The following BCL2L13 variants were observed in gnomAD, a reference collection of about 807,000 sequenced individuals.
BCL2L13 encodes the protein bcl-2-like protein 13.
In BCL2L13, 13 loss-of-function variants were observed where a neutral mutation model predicts 25.8. The ratio of observed to expected loss-of-function variants is 0.50; its 90% CI spans 0.33 to 0.80. BCL2L13 has a LOEUF of 0.80. Ranked by LOEUF, BCL2L13 falls within the 30% of genes least tolerant of loss-of-function variation. The probability of loss-of-function intolerance (pLI) is 0.02; values close to 1 mark genes in which losing one functional copy is unlikely to be tolerated. For synonymous variants in BCL2L13, 244 were observed against 230.3 expected (o/e 1.06, Z -0.54); for missense variants, 504 against 574.9 (o/e 0.88, Z 1.26).
intron 3 of BCL2L13, among the ~76,000 whole-genome samples, chr22:17,685,760 CTTTTTTTTTTTTT>C (rs1166792513): frequency 6.3e-4 from 38 of 60,566 alleles, no homozygotes; most frequent in Admixed American, 2.3e-3. Flanking sequence ...TTTTCTTTTT[CTTTTTTTTTTTTT>C]TTTTTTTTTT....
chr22:17,714,593 G>C (rs2060859629), intron 6 of BCL2L13, among the ~76,000 whole-genome samples: 1 of 152,152 alleles, frequency 6.6e-6, no homozygotes, highest in South Asian at 2.1e-4. Context: ...TAGGTAGCTT[G>C]GGGGGACCAT....
Position 17,630,286 on chromosome 22 carries a change from TC to T in BCL2L13, c.-650+1282del, listed in dbSNP as rs757856716. On this transcript the variant is annotated intron_variant, in intron 1 of 6. Transcript: ENST00000399782. ...TCCATCAATGTACTTTATAACCCTT[TC>T]TTTTTTTTTTGAGACAGAGTCTCAC... 1.2e-3 allele frequency among the ~76,000 whole-genome samples: 184 copies of T among 151,668 alleles called. 2 individuals carry two copies. In the East Asian group the frequency reaches 0.034, roughly 28 times the overall value.
intron 2 of BCL2L13, among the ~76,000 whole-genome samples, chr22:17,672,321 C>T (rs1294122501): frequency 1.3e-5 from 2 of 152,110 alleles, no homozygotes; most frequent in South Asian, 4.1e-4. Flanking sequence ...CCATAGATTT[C>T]GAAAGTATTT....
intron 2 of BCL2L13, among the ~76,000 whole-genome samples, chr22:17,673,514 C>T (rs369109132): frequency 6.0e-5 from 9 of 149,756 alleles, no homozygotes; most frequent in Admixed American, 3.4e-4. Flanking sequence ...ACTACAGTCG[C>T]CCACTACCAT....
In BCL2L13 at chr22:17,727,279, A is replaced by G. The variant is rs746569142; in HGVS notation, c.1203A>G (p.Ala401=). The change falls in exon 7 of 7, where the codon GCA becomes GCG. Residue 401 remains alanine, a synonymous_variant. Transcript: ENST00000317582. The stretch of plus-strand genomic sequence containing the variant: ...CTGAAGTGGAGGAGGTGGTCCCCGC[A>G]CTGGAACCCACAGAAACGCTGCTGA... ...EPTEVEEVVP[A]LEPTETLLSE... is the part of the protein sequence containing the mutation. 1.7e-5 allele frequency: 28 copies of G among 1,614,142 alleles called. No homozygotes were observed. The highest frequency in any genetic ancestry group is 2.3e-5 in the Non-Finnish European group (27 of 1,180,054).
chr22:17,643,774 C>T (rs1267499606), intron 1 of BCL2L13, among the ~76,000 whole-genome samples: 3 of 151,064 alleles, frequency 2.0e-5, no homozygotes, highest in Non-Finnish European at 4.4e-5. Context: ...CCACCATGCC[C>T]GGCTAATTTT....
rs528325795 is a variant in BCL2L13, at chr22:17,669,010, T to G, written c.121+13178T>G. 2.6e-5 allele frequency among the ~76,000 whole-genome samples: 4 copies of G among 151,350 alleles called. No individual in the cohort carries two copies. In the South Asian group the frequency reaches 8.3e-4, roughly 32 times the overall value. ...GGGTAATTTATAAAGAAAAGAAGTT[T>G]ATTTGGCTCCTGTTTCTTTCTTTTT... On this transcript the variant is annotated intron_variant, in intron 2 of 6. Transcript: ENST00000317582.
intron 6 of BCL2L13, among the ~76,000 whole-genome samples, chr22:17,711,545 G>A (rs1601755987): frequency 6.6e-6 from 1 of 152,200 alleles, no homozygotes; most frequent in East Asian, 1.9e-4. Context: ...GTGATTGCCT[G>A]CCTCTGCCTC....
chr22:17,694,349 C>T (rs1248529815), intron 4 of BCL2L13, among the ~76,000 whole-genome samples: 8 of 151,940 alleles, frequency 5.3e-5, no homozygotes, highest in East Asian at 1.9e-4. Flanking sequence ...GCTTATCTCT[C>T]TACCCTTGTA....
At chr22:17,647,269 T>A (rs1263337484) in intron 1 of BCL2L13, among the ~76,000 whole-genome samples, 1 of 151,636 alleles carries the variant, frequency 6.6e-6, no homozygotes, top group African/African-American at 2.4e-5. Flanking sequence ...CCACTGCACC[T>A]GGCCTAATTT....
At chr22:17,656,998 T>C (rs1203771160) in intron 2 of BCL2L13, among the ~76,000 whole-genome samples, 3 of 152,252 alleles carry the variant, frequency 2.0e-5, no homozygotes, top group East Asian at 3.9e-4. Flanking sequence ...TTTTGTATTT[T>C]AGTAGAGACG....
intron 2 of BCL2L13, among the ~76,000 whole-genome samples, chr22:17,657,570 C>T (rs1436780868): frequency 4.6e-5 from 7 of 151,514 alleles, no homozygotes; most frequent in African/African-American, 1.5e-4. Flanking sequence ...TAGAGTGCAG[C>T]GGCACGATCT....
intron 4 of BCL2L13, among the ~76,000 whole-genome samples, chr22:17,691,651 C>CA (rs71284920): frequency 0.15 from 21,842 of 147,204 alleles, 2,011 homozygotes; most frequent in Non-Finnish European, 0.21. Flanking sequence ...GTCTCAAAAA[C>CA]AAAAAAAAAA....
At chr22:17,653,841 TTC>T (rs1040040753) in intron 1 of BCL2L13, among the ~76,000 whole-genome samples, 23 of 143,992 alleles carry the variant, frequency 1.6e-4, no homozygotes, top group African/African-American at 5.3e-4. Context: ...ATATTTGAAA[TTC>T]TTTTTCTATT....
chr22:17,643,684 G>A (rs181322043), intron 1 of BCL2L13, among the ~76,000 whole-genome samples: 2 of 152,120 alleles, frequency 1.3e-5, no homozygotes, highest in African/African-American at 4.8e-5. Context: ...CTGGAGTGCA[G>A]TGGTGCGATC....
At chr22:17,641,057 AT>A (rs1427276646) in intron 1 of BCL2L13, among the ~76,000 whole-genome samples, 1 of 151,722 alleles carries the variant, frequency 6.6e-6, no homozygotes, top group Non-Finnish European at 1.5e-5. Context: ...CGACAGGCTA[AT>A]TTTTTGTATT....
At chr22:17,638,242 C>A, upstream of BCL2L13, 1 of 157,708 alleles carries the variant, frequency 6.3e-6, no homozygotes, top group Non-Finnish European at 1.4e-5. Flanking sequence ...TCCTTCATGC[C>A]CTGGCGCCTC....
At position 17,629,043 on chromosome 22, in the gene BCL2L13, A is replaced by G. The variant is rs77803842; in HGVS notation, c.-650+38A>G. The G allele has an allele frequency of 3.4e-3, 776 of 225,430 alleles. 4 individuals are homozygous for G. Among genetic ancestry groups the G allele is most frequent in the African/African-American group, 0.016 (733 of 44,606 alleles). The allele number at this position is 225,430 out of a possible 1,614,324, so 14.0% of individuals were successfully genotyped here. A position where few individuals can be genotyped will look rare whatever the true frequency, so the allele number is the denominator to read the frequency against. On this transcript the variant is annotated intron_variant, in intron 1 of 6. Coordinates refer to the BCL2L13 transcript ENST00000399782. ...ATGTGCCTTTATTGGAATTTTTCGC[A>G]TAATTACACAGGGTTATGGGCTTAG...
At chr22:17,655,315 TA>T (rs1568933682) in intron 1 of BCL2L13, among the ~76,000 whole-genome samples, 1 of 150,638 alleles carries the variant, frequency 6.6e-6, no homozygotes, top group African/African-American at 2.4e-5. Flanking sequence ...TTTTTTTTTT[TA>T]AATAAGCAGG....
Sources: gnomAD v4.1 joint callset for allele counts (sites outside exome capture counted in the v4.1 genomes callset) on GRCh38, gnomAD v4.1.1 for gene constraint, MANE v1.5 for transcripts, NCBI Gene and HGNC (gene_info 2026-07-23, HGNC 2026-07-21) for gene names.